The following POLQ variants were observed in gnomAD, a reference collection of about 807,000 sequenced individuals.
The protein encoded by POLQ is epididymis secretory sperm binding protein.
A neutral mutation model predicts 259.2 loss-of-function variants in POLQ; 233 were observed. That is an observed-to-expected ratio of 0.90 (90% CI 0.81 to 1.00). The LOEUF (loss-of-function observed/expected upper bound fraction) is 1.00. Among genes scored for constraint, POLQ ranks in the 50% least tolerant of loss-of-function variants. POLQ has a pLI of 0.00. For synonymous variants in POLQ, 1,025 were observed against 1,048.8 expected, an observed-to-expected ratio of 0.98 and a Z score of 0.44; for missense variants, 2,871 against 3,051.6, an observed-to-expected ratio of 0.94 and a Z score of 1.39.
At chr3:121,524,729 G>A (rs1450717578) in intron 7 of POLQ, among the ~76,000 whole-genome samples, 1 of 151,998 alleles carries the variant, frequency 6.6e-6, no homozygotes, top group African/African-American at 2.4e-5. Context: ...CTGGAATAGA[G>A]GGAAGAGACA....
intron 7 of POLQ, among the ~76,000 whole-genome samples, chr3:121,527,938 C>T (rs947755987): frequency 6.6e-6 from 1 of 152,164 alleles, no homozygotes; most frequent in African/African-American, 2.4e-5. Context: ...TGCATACTTA[C>T]AACACGTGAG....
chr3:121,488,159 A>C lies in POLQ; in HGVS notation c.4772T>G (p.Leu1591Ter), dbSNP rs1300942898. 1 of 1,613,276 alleles carries C rather than the reference A, an allele frequency of 6.2e-7. No homozygotes were observed. The highest frequency in any genetic ancestry group is 8.5e-7 in the Non-Finnish European group (1 of 1,179,530). ...ATCAAGTACTGGATCACTTAGTTCTAATGCTCTAGGAGATACTACAGTATG... is the reference window on the plus strand; with the variant it reads ...ATCAAGTACTGGATCACTTAGTTCTCATGCTCTAGGAGATACTACAGTATG... Reference protein sequence around the residue: ...KNHTVVSPRALELSDPVLDEH... With the variant: ...KNHTVVSPRA Residue 1591 changes from leucine to a stop codon, truncating the protein, a stop_gained, in exon 16 of 30, where the codon TTA (leucine) becomes TGA (stop). Transcript: ENST00000264233. LOFTEE classifies it high-confidence loss of function.
intron 6 of POLQ, among the ~76,000 whole-genome samples, chr3:121,530,197 T>A (rs1237801358): frequency 1.3e-5 from 2 of 152,208 alleles, no homozygotes; most frequent in African/African-American, 4.8e-5. Flanking sequence ...CAGTATGCAC[T>A]CAATAGAAAC....
intron 24 of POLQ, 118 bp from the exon 25 acceptor site, chr3:121,460,352 A>G: frequency 1.5e-6 from 1 of 675,340 alleles, no homozygotes; most frequent in Non-Finnish European, 2.6e-6. Flanking sequence ...AGAACTTTGA[A>G]ATCACATGTC....
In POLQ at chr3:121,511,817, T is replaced by A. The variant is rs982650795; in HGVS notation, c.1611+70A>T. ...AAAAATAAATAAATAAAGCTAAGATTTTCATATACTAACATTTTACTAATT... is the reference window on the plus strand; with the variant it reads ...AAAAATAAATAAATAAAGCTAAGATATTCATATACTAACATTTTACTAATT... On this transcript the variant is annotated intron_variant, in intron 10 of 29. Transcript: ENST00000264233. The A allele has an allele frequency of 2.7e-5, 32 of 1,185,380 alleles. No homozygotes were observed. The South Asian group carries it at 4.0e-4, about 15-fold the overall frequency. The allele number at this position is 1,185,380 out of a possible 1,614,324, so 73.4% of individuals were successfully genotyped here.
Position 121,440,088 on chromosome 3 carries a change from C to G in POLQ, c.7293G>C (p.Val2431=). Residue 2431 remains valine, a synonymous_variant, in exon 27 of 30, where the codon GTG becomes GTC. Coordinates refer to ENST00000264233, the MANE Select transcript of POLQ (RefSeq NM_199420.4). ...TGINQFMTET[V]KNCKRDGFVQ... ...CAAATCCGTCTCTTTTACAATTCTT[C>G]ACTGTCTCTGTCATGAATTGATTAA... The G allele has an allele frequency of 6.2e-7, 1 of 1,607,302 alleles. No homozygotes were observed. Among genetic ancestry groups the G allele is most frequent in the Non-Finnish European group, 8.5e-7 (1 of 1,173,970 alleles).
chr3:121,486,233 C>A (rs1168933617), intron 16 of POLQ, among the ~76,000 whole-genome samples: 1 of 152,102 alleles, frequency 6.6e-6, no homozygotes, highest in Non-Finnish European at 1.5e-5. Context: ...CATAAGCAAA[C>A]AAGGATATTA....
intron 26 of POLQ, among the ~76,000 whole-genome samples, chr3:121,441,229 C>T (rs2047589744): frequency 6.6e-6 from 1 of 152,018 alleles, no homozygotes; most frequent in African/African-American, 2.4e-5. Context: ...CCTCCAAATA[C>T]TCAAATTGAA....
In POLQ at chr3:121,432,955, T is replaced by C. The variant is rs1414245609; in HGVS notation, c.7622A>G (p.Glu2541Gly). 1 of 1,609,718 alleles carries C rather than the reference T, an allele frequency of 6.2e-7. No homozygotes were observed. Among genetic ancestry groups the C allele is most frequent in the Non-Finnish European group, 8.5e-7 (1 of 1,176,028 alleles). Residue 2541 changes from glutamate (E) to glycine (G), a missense_variant, in exon 29 of 30, where the codon GAA becomes GGA. By Grantham distance (98) the Glu-to-Gly change is moderately conservative. Around this residue, in one of 3 missense-constraint regions of POLQ, gnomAD observed 2,080 missense variants for 2,126.0 expected, o/e 0.98. Coordinates refer to ENST00000264233, the MANE Select transcript of POLQ (RefSeq NM_199420.4). ...GGFFILQLHD[E>G]LLYEVAEEDV... ...TTCTTCTGCCACTTCATATAGGAGT[T>C]CATCATGGAGTTGAAGGATGAAGAA...
Position 121,489,005 on chromosome 3 carries a change from G to A in POLQ, c.3926C>T (p.Ser1309Phe). 4 of 1,613,034 alleles carry A rather than the reference G, an allele frequency of 2.5e-6. No homozygotes were observed. The highest frequency in any genetic ancestry group is 3.4e-6 in the Non-Finnish European group (4 of 1,179,290). The change falls in exon 16 of 30, where the codon TCT becomes TTT. Residue 1309 changes from serine (S) to phenylalanine (F), a missense_variant. Physicochemically the swap from Ser to Phe is radical, Grantham distance 155. Around this residue, in one of 3 missense-constraint regions of POLQ, gnomAD observed 2,080 missense variants for 2,126.0 expected, o/e 0.98. Coordinates refer to ENST00000264233, the MANE Select transcript of POLQ (RefSeq NM_199420.4). The stretch of plus-strand genomic sequence containing the variant: ...ATCACAGAGGACTAAACCTAAGTCA[G>A]AAACATGATTATTTTTAGTTTTGTT... Reference protein sequence around the residue: ...TTNKTKNNHVSDLGLVLCDFE... With the variant: ...TTNKTKNNHVFDLGLVLCDFE...
intron 19 of POLQ, 139 bp from the exon 20 acceptor site, chr3:121,476,872 C>G: frequency 1.6e-6 from 1 of 623,536 alleles, no homozygotes; most frequent in South Asian, 2.1e-5. Context: ...GTCTCCCGAG[C>G]AGCATCCTCA....
chr3:121,466,363 C>CAAAAAAAA (rs751087085), intron 24 of POLQ, among the ~76,000 whole-genome samples: 5 of 94,146 alleles, frequency 5.3e-5, no homozygotes, highest in African/African-American at 8.3e-5. Context: ...GACTCCGTCT[C>CAAAAAAAA]AAAAAAAAAA....
In POLQ at chr3:121,440,092, G is replaced by C. The variant is rs1399122988; in HGVS notation, c.7289C>G (p.Thr2430Arg). ...TCCGTCTCTTTTACAATTCTTCACT[G>C]TCTCTGTCATGAATTGATTAATCCC... Reference protein sequence around the residue: ...YTGINQFMTETVKNCKRDGFV... With the variant: ...YTGINQFMTERVKNCKRDGFV... The change falls in exon 27 of 30, where the codon ACA becomes AGA. Residue 2430 changes from threonine to arginine, a missense_variant. Physicochemically the swap from Thr to Arg is moderately conservative, Grantham distance 71 (BLOSUM62 -1). Around this residue, in one of 3 missense-constraint regions of POLQ, gnomAD observed 2,080 missense variants for 2,126.0 expected, o/e 0.98. Coordinates refer to ENST00000264233, the MANE Select transcript of POLQ (RefSeq NM_199420.4). The C allele has an allele frequency of 2.5e-6, 4 of 1,606,674 alleles. No individual in the cohort carries two copies. The highest frequency in any genetic ancestry group is 3.4e-6 in the Non-Finnish European group (4 of 1,173,500).
In POLQ at chr3:121,490,204, G is replaced by T. The variant is rs1327135850; in HGVS notation, c.2727C>A (p.Cys909Ter). Reference sequence around the variant, plus strand: ...CTTCGGACTCACTATGAGTCAATGAGCATGTACTAGAATGTAACAGGGCAC... The same window carrying T: ...CTTCGGACTCACTATGAGTCAATGATCATGTACTAGAATGTAACAGGGCAC... ...NPCALLHSST[C>*]SLTHSESEVK... The change falls in exon 16 of 30, where the codon TGC becomes TGA. Residue 909 changes from cysteine to a stop codon, truncating the protein, a stop_gained. Coordinates refer to ENST00000264233, the MANE Select transcript of POLQ (RefSeq NM_199420.4). LOFTEE classifies it high-confidence loss of function. 1 of 1,613,704 alleles carries T rather than the reference G, an allele frequency of 6.2e-7. No homozygotes were observed. Among genetic ancestry groups the T allele is most frequent in the Admixed American group, 1.7e-5 (1 of 60,018 alleles).
chr3:121,467,207 C>T (rs770918376), intron 24 of POLQ, among the ~76,000 whole-genome samples: 12 of 152,070 alleles, frequency 7.9e-5, no homozygotes, highest in Non-Finnish European at 1.6e-4. Context: ...ATGCTGTAAA[C>T]AAGTTAAAGA....
At position 121,514,260 on chromosome 3, in the gene POLQ, G is replaced by A. The variant is rs539475801; in HGVS notation, c.1469-2231C>T. On this transcript the variant is annotated intron_variant, in intron 9 of 29. Coordinates refer to ENST00000264233, the MANE Select transcript of POLQ (RefSeq NM_199420.4). ...AGAGAATCGCTTGAGCCCAGGAGGT[G>A]GAGGTTGCAGTGAACCAAGATTGCG... 8.6e-5 allele frequency among the ~76,000 whole-genome samples: 13 copies of A among 151,108 alleles called. 1 individual carries two copies. Among genetic ancestry groups the A allele is most frequent in the South Asian group, 4.2e-4 (2 of 4,778 alleles).
rs1006815430 is a variant in POLQ, at chr3:121,490,145, C to A, written c.2786G>T (p.Ser929Ile). 6.2e-7 allele frequency: 1 copy of A among 1,609,866 alleles called. No individual in the cohort carries two copies. The highest frequency in any genetic ancestry group is 8.5e-7 in the Non-Finnish European group (1 of 1,177,296). Residue 929 changes from serine to isoleucine, a missense_variant, in exon 16 of 30, where the codon AGT becomes ATT. By Grantham distance (142) the Ser-to-Ile change is moderately radical. Around this residue, in one of 3 missense-constraint regions of POLQ, gnomAD observed 2,080 missense variants for 2,126.0 expected, o/e 0.98. Coordinates refer to ENST00000264233, the MANE Select transcript of POLQ (RefSeq NM_199420.4). ...KEHTFISQTK[S>I]SYKKLTSKNK... ...CTTTGATGTTAATTTTTTATAAGAACTCTTAGTTTGGGATATAAATGTGTG... is the reference window on the plus strand; with the variant it reads ...CTTTGATGTTAATTTTTTATAAGAAATCTTAGTTTGGGATATAAATGTGTG...
chr3:121,485,234 TTACA>T, intron 16 of POLQ, 50 bp from the exon 17 acceptor site: 2 of 1,256,950 alleles, frequency 1.6e-6, no homozygotes, highest in Non-Finnish European at 2.2e-6. Flanking sequence ...AATAAAGACA[TTACA>T]TAAATTGTTA....
chr3:121,462,084 A>G (rs560504204), intron 24 of POLQ, among the ~76,000 whole-genome samples: 2 of 152,320 alleles, frequency 1.3e-5, no homozygotes, highest in African/African-American at 4.8e-5. Context: ...CAGATAATGG[A>G]TTTTTGGATT....
Sources: gnomAD v4.1 joint callset for allele counts (sites outside exome capture counted in the v4.1 genomes callset) on GRCh38, gnomAD v4.1.1 for gene constraint, gnomAD v4.1.1 regional missense constraint, MANE v1.5 for transcripts, NCBI Gene and HGNC (gene_info 2026-07-23, HGNC 2026-07-21) for gene names.